Variants in CNIH3 observed in about 807,000 individuals in gnomAD.
CNIH3 encodes the protein protein cornichon homolog 3.
A neutral mutation model predicts 24.1 loss-of-function variants in CNIH3; 14 were observed. The ratio of observed to expected loss-of-function variants is 0.58; its 90% CI spans 0.38 to 0.91. CNIH3 has a LOEUF of 0.91. Ranked by LOEUF, CNIH3 falls within the 40% of genes least tolerant of loss-of-function variation. The pLI is 0.00. For missense variants in CNIH3, 178 were observed against 196.8 expected (o/e 0.90, Z 0.57); for synonymous variants, 68 against 73.8 (o/e 0.92, Z 0.40).
Position 224,604,519 on chromosome 1 carries a change from C to T in CNIH3, n.402+38255C>T, listed in dbSNP as rs114769650. 0.011 allele frequency among the ~76,000 whole-genome samples: 1,634 copies of T among 152,234 alleles called. 37 individuals carry two copies. The highest frequency in any genetic ancestry group is 0.037 in the African/African-American group (1,527 of 41,516). ...GCCTCTGAAGAAGGGACCCCTACGC[C>T]GCTTTGTGCCAGTGACTTGTGGAAG... On this transcript the variant is annotated intron_variant and non_coding_transcript_variant, in intron 3 of 7. Coordinates refer to the CNIH3 transcript ENST00000478120. This position sits in a 1 kb window ranked among gnomAD's most constrained non-coding sequence, Gnocchi z 4.4.
chr1:224,517,143 C>T (rs1678422281), intron 1 of CNIH3, among the ~76,000 whole-genome samples: 1 of 151,956 alleles, frequency 6.6e-6, no homozygotes, highest in Non-Finnish European at 1.5e-5. Context: ...CTTGCATTTT[C>T]CCCTATCTCT....
intron 2 of CNIH3, among the ~76,000 whole-genome samples, chr1:224,532,178 A>C (rs1029954171): frequency 6.6e-6 from 1 of 152,138 alleles, no homozygotes; most frequent in Admixed American, 6.5e-5. Flanking sequence ...CGATCAAGGT[A>C]GGTTTTTCCA....
At chr1:224,688,322 G>C (rs1686758529) in intron 3 of CNIH3, among the ~76,000 whole-genome samples, 1 of 152,162 alleles carries the variant, frequency 6.6e-6, no homozygotes. Flanking sequence ...ATGTTATTTA[G>C]CTTAAGTTGG....
At chr1:224,434,805 A>G (rs904350799) in exon 1 of CNIH3, 3 of 986,186 alleles carry the variant, frequency 3.0e-6, no homozygotes, top group Non-Finnish European at 3.6e-6. Context: ...AATGGAGTCC[A>G]GGCGCTCGCG....
At chr1:224,533,519 A>T (rs1679162837) in intron 2 of CNIH3, among the ~76,000 whole-genome samples, 1 of 152,084 alleles carries the variant, frequency 6.6e-6, no homozygotes, top group Admixed American at 6.5e-5. Context: ...GAAATGTATT[A>T]TCTCATCGTT....
chr1:224,720,600 C>T (rs1015371081), intron 3 of CNIH3, among the ~76,000 whole-genome samples: 53 of 152,268 alleles, frequency 3.5e-4, no homozygotes, highest in African/African-American at 1.2e-3. Context: ...AAATTCCCAT[C>T]GAGCTCTAGG....
chr1:224,595,034 T>C (rs1681919939), intron 3 of CNIH3, among the ~76,000 whole-genome samples: 1 of 152,194 alleles, frequency 6.6e-6, no homozygotes, highest in African/African-American at 2.4e-5. Context: ...GCTTGCCTCA[T>C]GTCTCTGTGT....
At chr1:224,581,647 A>G (rs538523259) in intron 4 of CNIH3, among the ~76,000 whole-genome samples, 1 of 152,330 alleles carries the variant, frequency 6.6e-6, no homozygotes, top group South Asian at 2.1e-4. Flanking sequence ...TATTGCATAT[A>G]GTTGGCATCA....
At chr1:224,610,709 C>A (rs999495666) in intron 3 of CNIH3, among the ~76,000 whole-genome samples, 6 of 152,124 alleles carry the variant, frequency 3.9e-5, no homozygotes, top group Admixed American at 2.0e-4. Context: ...TAGAAGAAGG[C>A]AGAAAACCAA....
chr1:224,635,684 A>C (rs866987533), intron 1 of CNIH3, among the ~76,000 whole-genome samples: 1 of 152,164 alleles, frequency 6.6e-6, no homozygotes, highest in African/African-American at 2.4e-5. Context: ...AGCTTAGTCC[A>C]TATATTTCTT....
At chr1:224,517,400 C>T (rs182760990) in intron 1 of CNIH3, among the ~76,000 whole-genome samples, 8 of 152,270 alleles carry the variant, frequency 5.3e-5, no homozygotes, top group South Asian at 2.1e-4. Context: ...TTTACTCACC[C>T]GCCTGGAGTG....
intron 1 of CNIH3, among the ~76,000 whole-genome samples, chr1:224,672,453 T>G (rs1400970988): frequency 6.6e-6 from 1 of 152,194 alleles, no homozygotes; most frequent in Non-Finnish European, 1.5e-5. Context: ...TAGGAATTTA[T>G]TCTCTCAAAG....
intron 3 of CNIH3, among the ~76,000 whole-genome samples, chr1:224,730,076 T>C (rs1344865315): frequency 2.0e-5 from 3 of 152,212 alleles, no homozygotes; most frequent in South Asian, 2.1e-4. Flanking sequence ...AGGGCAGTTA[T>C]GGATTCATTA....
chr1:224,539,652 G>A (rs1411101407), downstream of CNIH3, among the ~76,000 whole-genome samples: 1 of 151,992 alleles, frequency 6.6e-6, no homozygotes, highest in Non-Finnish European at 1.5e-5. Flanking sequence ...GCCCCATACT[G>A]GCCATACTGC....
At chr1:224,546,551 C>A (rs1198926198) in intron 2 of CNIH3, among the ~76,000 whole-genome samples, 1 of 152,140 alleles carries the variant, frequency 6.6e-6, no homozygotes, top group Non-Finnish European at 1.5e-5. Flanking sequence ...GCTGGAGTCT[C>A]ATGCCTTGGT....
chr1:224,660,755 A>G (rs1008453215), intron 1 of CNIH3, among the ~76,000 whole-genome samples: 7 of 152,184 alleles, frequency 4.6e-5, no homozygotes, highest in African/African-American at 1.7e-4. Flanking sequence ...TAAACACTGA[A>G]AAAAATGAAA....
At chr1:224,596,400 G>A (rs1681982734) in intron 3 of CNIH3, among the ~76,000 whole-genome samples, 1 of 152,204 alleles carries the variant, frequency 6.6e-6, no homozygotes, top group African/African-American at 2.4e-5. Context: ...CAGGAAAAAA[G>A]ATTCCTTTCA....
At chr1:224,624,353 C>G (rs1404781206) in intron 1 of CNIH3, among the ~76,000 whole-genome samples, 2 of 152,172 alleles carry the variant, frequency 1.3e-5, no homozygotes, top group African/African-American at 4.8e-5. Flanking sequence ...ACCTTCCTCT[C>G]CATGTTGGTA....
intron 1 of CNIH3, among the ~76,000 whole-genome samples, chr1:224,645,611 A>G (rs547989094): frequency 2.8e-4 from 43 of 152,296 alleles, no homozygotes; most frequent in African/African-American, 9.6e-4. Context: ...CCCTGTTCCA[A>G]TTCAGGGTAA....
Sources: allele counts gnomAD v4.1 joint callset (sites outside exome capture counted in the v4.1 genomes callset), GRCh38; gene constraint gnomAD v4.1.1; non-coding constraint Gnocchi (gnomAD v3.1); transcripts MANE v1.5; gene names NCBI Gene and HGNC (gene_info 2026-07-23, HGNC 2026-07-21).